Variants in FSTL5 observed in about 807,000 individuals in gnomAD.
FSTL5 encodes the protein follistatin-related protein 5.
A neutral mutation model predicts 89.1 loss-of-function variants in FSTL5; 62 were observed. The observed-to-expected ratio is 0.70, with a 90% CI of 0.57 to 0.86. The LOEUF (loss-of-function observed/expected upper bound fraction) is 0.86, where lower values mean the gene tolerates loss of function less well. Among genes scored for constraint, FSTL5 ranks in the 40% least tolerant of loss-of-function variants. FSTL5 has a pLI of 0.00. For synonymous variants in FSTL5, 383 were observed against 346.2 expected, an observed-to-expected ratio of 1.11 and a Z score of -1.18; for missense variants, 1,057 against 1,001.6, an observed-to-expected ratio of 1.06 and a Z score of -0.75.
chr4:161,808,698 G>A (rs1005663707), intron 4 of FSTL5, among the ~76,000 whole-genome samples: 8 of 152,000 alleles, frequency 5.3e-5, no homozygotes, highest in Non-Finnish European at 2.9e-5. Context: ...AATCAATAGA[G>A]TGAAAACATA....
chr4:161,425,054 T>C (rs1200917821), intron 15 of FSTL5, among the ~76,000 whole-genome samples: 1 of 152,226 alleles, frequency 6.6e-6, no homozygotes, highest in Non-Finnish European at 1.5e-5. Flanking sequence ...CCTCAATTCA[T>C]GAAGGGCAAA....
chr4:161,722,888 A>G (rs975525845), intron 6 of FSTL5, among the ~76,000 whole-genome samples: 1 of 152,136 alleles, frequency 6.6e-6, no homozygotes, highest in African/African-American at 2.4e-5. Context: ...TTGAATAACT[A>G]TTGTTGAAAT....
intron 8 of FSTL5, among the ~76,000 whole-genome samples, chr4:161,572,474 G>A (rs182615954): frequency 6.6e-6 from 1 of 152,156 alleles, no homozygotes; most frequent in East Asian, 1.9e-4. Flanking sequence ...ACATGTTCTG[G>A]TGTCTTCCAA....
intron 10 of FSTL5, among the ~76,000 whole-genome samples, chr4:161,535,319 T>C (rs555309146): frequency 1.3e-5 from 2 of 152,158 alleles, no homozygotes; most frequent in African/African-American, 2.4e-5. Flanking sequence ...AAAAAATATA[T>C]GTAAACTATG....
rs371506767 is a variant in FSTL5 at position 161,386,257 on chromosome 4, C to T, written c.2034G>A (p.Met678Ile). The T allele has an allele frequency of 1.9e-5, 30 of 1,613,888 alleles. No individual in the cohort carries two copies. The highest frequency in any genetic ancestry group is 2.7e-5 in the African/African-American group (2 of 74,892). ...TGACTGAGTCAGTTACACCGTCCAC[C>T]ATGACCTGTGGGGAAACTGCTCCGG... The part of the protein sequence containing the change: ...DSTGAVSPQV[M>I]VDGVTDSVIG... The change falls in exon 16 of 16, where the codon ATG becomes ATA. Residue 678 changes from methionine to isoleucine, a missense_variant. Met to Ile is a conservative substitution (Grantham distance 10, BLOSUM62 1). This residue lies in a region of FSTL5 where 980 missense variants were observed against 903.2 expected (regional missense o/e 1.08). Transcript: ENST00000306100.
intron 8 of FSTL5, among the ~76,000 whole-genome samples, chr4:161,577,172 A>G (rs976435808): frequency 2.6e-5 from 4 of 152,140 alleles, no homozygotes; most frequent in African/African-American, 9.7e-5. Context: ...CAAAATAGGT[A>G]TTACTTAAAA....
intron 9 of FSTL5, among the ~76,000 whole-genome samples, chr4:161,540,272 T>C (rs933235821): frequency 6.6e-6 from 1 of 152,148 alleles, no homozygotes; most frequent in Non-Finnish European, 1.5e-5. Context: ...ATTCACAGTT[T>C]TCAATTCCTA....
intron 10 of FSTL5, among the ~76,000 whole-genome samples, chr4:161,526,175 C>T (rs916082235): frequency 1.3e-5 from 2 of 152,080 alleles, no homozygotes; most frequent in Non-Finnish European, 2.9e-5. Context: ...TTGACATTAA[C>T]ATTAGTATAA....
intron 2 of FSTL5, among the ~76,000 whole-genome samples, chr4:162,037,608 C>T (rs1737792074): frequency 6.6e-6 from 1 of 151,756 alleles, no homozygotes; most frequent in Non-Finnish European, 1.5e-5. Flanking sequence ...CAAGTTCTCT[C>T]CCATACAGTT....
intron 15 of FSTL5, among the ~76,000 whole-genome samples, chr4:161,449,415 A>C (rs1733072775): frequency 6.6e-6 from 1 of 152,190 alleles, no homozygotes; most frequent in Non-Finnish European, 1.5e-5. Context: ...GAAATTCCAA[A>C]CAATATAATC....
intron 15 of FSTL5, among the ~76,000 whole-genome samples, chr4:161,389,982 G>T (rs1193483162): frequency 6.6e-6 from 1 of 152,096 alleles, no homozygotes; most frequent in Non-Finnish European, 1.5e-5. Flanking sequence ...TTCCATTCAT[G>T]TATATTAGAG....
chr4:161,768,105 A>G (rs1741081853), intron 5 of FSTL5, among the ~76,000 whole-genome samples: 3 of 152,142 alleles, frequency 2.0e-5, no homozygotes, highest in Non-Finnish European at 4.4e-5. Flanking sequence ...TACACACTTG[A>G]GGAAATTGAA....
At chr4:161,991,337 C>T (rs111288384) in intron 3 of FSTL5, among the ~76,000 whole-genome samples, 8,371 of 152,158 alleles carry the variant, frequency 0.055, 266 homozygotes, top group Non-Finnish European at 0.077. Flanking sequence ...ATCAAAATCA[C>T]GAAGTTGTTT....
chr4:161,861,452 G>A (rs552195701), intron 4 of FSTL5, among the ~76,000 whole-genome samples: 2 of 151,846 alleles, frequency 1.3e-5, no homozygotes, highest in South Asian at 2.1e-4. Flanking sequence ...AAGAAAGAAA[G>A]AGAAAGAAGG....
Position 161,455,397 on chromosome 4 carries a change from A to G in FSTL5, c.1717-269T>C, listed in dbSNP as rs371772121. ...TAAAATATAAAATAAATAGGCATGT[A>G]AGCAACTTCTTCATTACAAAAATCC... On this transcript the variant is annotated intron_variant, in intron 14 of 15. Coordinates refer to ENST00000306100, the MANE Select transcript of FSTL5 (RefSeq NM_020116.5). 3.5e-4 allele frequency among the ~76,000 whole-genome samples: 53 copies of G among 152,278 alleles called. 3 individuals are homozygous for G. In the South Asian group the frequency reaches 0.01, roughly 30 times the overall value.
At chr4:161,930,413 C>T (rs1381645657) in intron 3 of FSTL5, among the ~76,000 whole-genome samples, 2 of 151,792 alleles carry the variant, frequency 1.3e-5, no homozygotes, top group East Asian at 1.9e-4. Flanking sequence ...ATAAAGAGAA[C>T]CTTATTTTCT....
chr4:161,413,039 G>A (rs952525160), intron 15 of FSTL5, among the ~76,000 whole-genome samples: 9 of 151,764 alleles, frequency 5.9e-5, no homozygotes, highest in Non-Finnish European at 8.8e-5. Context: ...AGGCAATTGC[G>A]ATAAAAACAA....
rs1560841148 is a variant in FSTL5, at chr4:161,779,823, A to ATATATATATG, written c.410-3750_410-3749insCATATATATA. Among the ~76,000 whole-genome samples the ATATATATATG allele has an allele frequency of 1.6e-4, 17 of 106,756 alleles. 1 individual carries two copies. The East Asian group carries it at 1.7e-3, about 10-fold the overall frequency. The allele number at this position is 106,756 out of a possible 152,430, so 70.0% of individuals were successfully genotyped here. A position where few individuals can be genotyped will look rare whatever the true frequency, so the allele number is the denominator to read the frequency against. The stretch of plus-strand genomic sequence containing the variant: ...TATATATATATATGTATATATATAT[A>ATATATATATG]TATATATATATATGTATATAAAATA... On this transcript the variant is annotated intron_variant, in intron 4 of 15. Transcript: ENST00000306100.
intron 2 of FSTL5, among the ~76,000 whole-genome samples, chr4:162,045,745 A>AT (rs968711270): frequency 6.6e-6 from 1 of 152,168 alleles, no homozygotes; most frequent in Admixed American, 6.6e-5. Context: ...AAGGTACAGT[A>AT]TAAAGAGGTA....
Sources: allele counts gnomAD v4.1 joint callset (sites outside exome capture counted in the v4.1 genomes callset), GRCh38; gene constraint gnomAD v4.1.1; regional missense constraint gnomAD v4.1.1; transcripts MANE v1.5; gene names NCBI Gene and HGNC (gene_info 2026-07-23, HGNC 2026-07-21).